Variants in HNRNPU observed in about 807,000 individuals in gnomAD.
HNRNPU encodes heterogeneous nuclear ribonucleoprotein U.
In HNRNPU, 5 loss-of-function variants were observed where a neutral mutation model predicts 94.7. The ratio of observed to expected loss-of-function variants is 0.05; its 90% CI spans 0.03 to 0.11. The LOEUF (loss-of-function observed/expected upper bound fraction) is 0.11, where lower values mean the gene tolerates loss of function less well. HNRNPU is among the 10% of genes least tolerant of loss of function. The pLI, the probability that HNRNPU is intolerant of heterozygous loss-of-function variation, is 1.00. For missense variants in HNRNPU, 710 were observed against 1,049.2 expected (o/e 0.68, Z 4.47); for synonymous variants, 434 against 381.6 (o/e 1.14, Z -1.60).
At position 244,863,742 on chromosome 1, in the gene HNRNPU, C is replaced by T; in HGVS notation, c.566G>A (p.Gly189Asp). 6.3e-7 allele frequency: 1 copy of T among 1,577,490 alleles called. No individual in the cohort carries two copies. Among genetic ancestry groups the T allele is most frequent in the African/African-American group, 1.4e-5 (1 of 73,460 alleles). ...CGTCACCGCGAACAGCGAGGTGGGGCCGCTGCTCTTCCCCGCGGCCTCCTT... is the reference window on the plus strand; with the variant it reads ...CGTCACCGCGAACAGCGAGGTGGGGTCGCTGCTCTTCCCCGCGGCCTCCTT... ...AAKEAAGKSSGPTSLFAVTVA... is the reference protein window; with the variant it reads ...AAKEAAGKSSDPTSLFAVTVA... Residue 189 changes from glycine to aspartate, a missense_variant, in exon 1 of 14, where the codon GGC becomes GAC. Coordinates refer to ENST00000640218, the MANE Select transcript of HNRNPU (RefSeq NM_031844.3).
In HNRNPU at chr1:244,858,738, T is replaced by C. The variant is rs1321164224; in HGVS notation, c.1221A>G (p.Thr407=). The C allele has an allele frequency of 3.2e-6, 5 of 1,551,400 alleles. No homozygotes were observed. The highest frequency in any genetic ancestry group is 3.6e-6 in the Non-Finnish European group (4 of 1,124,058). ...GTTAGCTTTAACTTACAGCAAAACA[T>C]GTAATCACATCATTTTCATCAAACT... The part of the protein sequence containing the change: ...GEKFDENDVI[T]CFANFESDEV... The change falls in exon 6 of 14, where the codon ACA becomes ACG. Residue 407 remains threonine (T), a synonymous_variant. Coordinates refer to ENST00000640218, the MANE Select transcript of HNRNPU (RefSeq NM_031844.3).
At position 244,853,829 on chromosome 1, in the gene HNRNPU, T is replaced by C. The variant is rs866790769; in HGVS notation, c.*621A>G. On this transcript the variant is annotated 3_prime_UTR_variant, in exon 14 of 14. Transcript: ENST00000640218. ...GCCCTTCTACATACACTCCATCTTC[T>C]CTATCTTAGTTCCAAGTTTTAGTTT... 3.9e-5 allele frequency: 6 copies of C among 152,896 alleles called. No homozygotes were observed. The South Asian group carries it at 6.2e-4, about 16-fold the overall frequency. The allele number at this position is 152,896 out of a possible 1,614,324, so 9.5% of individuals were successfully genotyped here.
chr1:244,855,454 A>C lies in HNRNPU; in HGVS notation c.2322T>G (p.Gly774=). 1 of 1,613,632 alleles carries C rather than the reference A, an allele frequency of 6.2e-7. No individual in the cohort carries two copies. The highest frequency in any genetic ancestry group is 8.5e-7 in the Non-Finnish European group (1 of 1,179,886). The change falls in exon 12 of 14, where the codon GGT becomes GGG. Residue 774 remains glycine, a synonymous_variant. Transcript: ENST00000640218. Reference sequence around the variant, plus strand: ...TGTAGTTCCCTCTGTTGGGCATTCCACCTCTGTTGTAGTTCCCTCTGTTTG... The same window carrying C: ...TGTAGTTCCCTCTGTTGGGCATTCCCCCTCTGTTGTAGTTCCCTCTGTTTG... ...SYSNRGNYNR[G]GMPNRGNYNQ... is the part of the protein sequence containing the mutation.
At chr1:244,860,585 A>G in intron 3 of HNRNPU, 111 bp from the exon 4 acceptor site, 4 of 739,308 alleles carry the variant, frequency 5.4e-6, no homozygotes, top group Non-Finnish European at 6.6e-6. Flanking sequence ...ATGCTGCACA[A>G]CTTTTCTCCA....
At position 244,850,938 on chromosome 1, in the gene HNRNPU, T is replaced by C. The variant is rs908131410; in HGVS notation, c.*3512A>G. Reference sequence around the variant, plus strand: ...TCTCAAATGGGTATTCTGAAGCAGGTTGAGAAGTAGATAAAATTCTCTGCT... The same window carrying C: ...TCTCAAATGGGTATTCTGAAGCAGGCTGAGAAGTAGATAAAATTCTCTGCT... On this transcript the variant is annotated 3_prime_UTR_variant, in exon 14 of 14. Coordinates refer to ENST00000640218, the MANE Select transcript of HNRNPU (RefSeq NM_031844.3). 10 of 152,108 alleles carry C rather than the reference T, an allele frequency of 6.6e-5. No homozygotes were observed. Among genetic ancestry groups the C allele is most frequent in the African/African-American group, 9.7e-5 (4 of 41,408 alleles). 9.4% of individuals were successfully genotyped at this position (152,108 alleles called of 1,614,324 possible).
At position 244,864,071 on chromosome 1, in the gene HNRNPU, C is replaced by T. The variant is rs1316732057; in HGVS notation, c.237G>A (p.Ala79=). 1 of 1,602,516 alleles carries T rather than the reference C, an allele frequency of 6.2e-7. No individual in the cohort carries two copies. Among genetic ancestry groups the T allele is most frequent in the Admixed American group, 1.7e-5 (1 of 58,384 alleles). Residue 79 remains alanine (A), a synonymous_variant, in exon 1 of 14, where the codon GCG becomes GCA. Transcript: ENST00000640218. ...CCTCCTCCTCTTCATCGCCGCCGGC[C>T]GCGGCCTCCTGCTCGAGGCCTGCTC... ...RSGAGLEQEA[A]AGGDEEEEEE...
Position 244,864,514 on chromosome 1 carries a change from G to A in HNRNPU, c.-207C>T, listed in dbSNP as rs1558191140. 6 of 815,502 alleles carry A rather than the reference G, an allele frequency of 7.4e-6. No individual in the cohort carries two copies. The East Asian group carries it at 1.6e-4, about 21-fold the overall frequency. The allele number at this position is 815,502 out of a possible 1,614,324, so 50.5% of individuals were successfully genotyped here. A position where few individuals can be genotyped will look rare whatever the true frequency, so the allele number is the denominator to read the frequency against. ...GTTCGCGAGGGAGACGCGGAGACTC[G>A]CCTGGCGCGAGCGAGCACGCAACGT... On this transcript the variant is annotated 5_prime_UTR_variant, in exon 1 of 14. Transcript: ENST00000640218.
At position 244,858,836 on chromosome 1, in the gene HNRNPU, C is replaced by G; in HGVS notation, c.1123G>C (p.Glu375Gln). The G allele has an allele frequency of 7.1e-7, 1 of 1,403,066 alleles. No individual in the cohort carries two copies. The highest frequency in any genetic ancestry group is 1.0e-6 in the Non-Finnish European group (1 of 991,528). The allele number at this position is 1,403,066 out of a possible 1,614,324, so 86.9% of individuals were successfully genotyped here. ...LTTSGMLLGE[E>Q]EFSYGYSLKG... ...AGAGAATACCCATAAGAAAATTCTT[C>G]TTCACCTAAGAAAATAATTAATCTT... Residue 375 changes from glutamate (E) to glutamine (Q), a missense_variant, in exon 6 of 14, where the codon GAA (glutamate) becomes CAA (glutamine). Physicochemically the swap from Glu to Gln is conservative, Grantham distance 29. Around this residue, in one of 8 missense-constraint regions of HNRNPU, gnomAD observed 150 missense variants for 187.9 expected, o/e 0.80. Transcript: ENST00000640218.
rs1181572271 is a variant in HNRNPU, at chr1:244,854,199, T to TA, written c.*250dup. The TA allele has an allele frequency of 2.6e-6, 1 of 390,166 alleles. No individual in the cohort carries two copies. The highest frequency in any genetic ancestry group is 2.1e-5 in the African/African-American group (1 of 46,782). 24.2% of individuals were successfully genotyped at this position (390,166 alleles called of 1,614,324 possible). On this transcript the variant is annotated 3_prime_UTR_variant, in exon 14 of 14. Coordinates refer to ENST00000640218, the MANE Select transcript of HNRNPU (RefSeq NM_031844.3). Reference sequence around the variant, plus strand: ...AAAGTCACATTTTACAGATAAAATGTAGAACCCTGAAATACTGACACATTC... The same window carrying TA: ...AAAGTCACATTTTACAGATAAAATGTAAGAACCCTGAAATACTGACACATTC...
rs749262345 is a variant in HNRNPU, at chr1:244,863,993, C to T, written c.315G>A (p.Glu105=). 2 of 1,613,750 alleles carry T rather than the reference C, an allele frequency of 1.2e-6. No homozygotes were observed. Among genetic ancestry groups the T allele is most frequent in the East Asian group, 2.2e-5 (1 of 44,852 alleles). ...CCGCGGCCCCGTTCTCCTCTCCTAGCTCCATCTGGTCGCCGTCCAGAGCGG... is the reference window on the plus strand; with the variant it reads ...CCGCGGCCCCGTTCTCCTCTCCTAGTTCCATCTGGTCGCCGTCCAGAGCGG... ...GISALDGDQM[E]LGEENGAAGA... The change falls in exon 1 of 14, where the codon GAG becomes GAA. Residue 105 remains glutamate, a synonymous_variant. Coordinates refer to ENST00000640218, the MANE Select transcript of HNRNPU (RefSeq NM_031844.3).
At chr1:244,857,431 G>T in intron 8 of HNRNPU, 167 bp downstream of exon 8, 2 of 636,004 alleles carry the variant, frequency 3.1e-6, no homozygotes, top group Non-Finnish European at 5.3e-6. Flanking sequence ...ATTTTTAGTA[G>T]GAACGGGGCT....
chr1:244,863,440 G>A lies in HNRNPU; in HGVS notation c.691+177C>T, dbSNP rs1363929882. Among the ~76,000 whole-genome samples the A allele has an allele frequency of 6.9e-5, 10 of 145,914 alleles. No homozygotes were observed. Among genetic ancestry groups the A allele is most frequent in the African/African-American group, 2.3e-4 (9 of 39,224 alleles). On this transcript the variant is annotated intron_variant, in intron 1 of 13. Coordinates refer to ENST00000640218, the MANE Select transcript of HNRNPU (RefSeq NM_031844.3). ...CACACACGCGCGCGCGCACACACAC[G>A]CCCCGAGCCCGAGGCCTCTCGGCTA...
intron 4 of HNRNPU, chr1:244,859,901 A>G (rs1343663590): frequency 6.3e-6 from 1 of 159,962 alleles, no homozygotes; most frequent in African/African-American, 2.4e-5. Context: ...AGTATGAAGC[A>G]CCTGTAATTC....
In HNRNPU at chr1:244,856,566, T is replaced by A. The variant is rs1573330232; in HGVS notation, c.1803A>T (p.Arg601=). 1 of 1,614,168 alleles carries A rather than the reference T, an allele frequency of 6.2e-7. No homozygotes were observed. Among genetic ancestry groups the A allele is most frequent in the South Asian group, 1.1e-5 (1 of 91,088 alleles). The change falls in exon 10 of 14, where the codon CGA becomes CGT. Residue 601 remains arginine, a synonymous_variant. Coordinates refer to ENST00000640218, the MANE Select transcript of HNRNPU (RefSeq NM_031844.3). ...RKMCLFAGFQ[R]KAVVVCPKDE... ...CTTTTGGGCAAACTACAACAGCTTTTCGCTGGAAGCCTGCAAACAGGCACA... is the reference window on the plus strand; with the variant it reads ...CTTTTGGGCAAACTACAACAGCTTTACGCTGGAAGCCTGCAAACAGGCACA...
chr1:244,857,525 G>A lies in HNRNPU; in HGVS notation c.1614+73C>T, dbSNP rs560233554. The A allele has an allele frequency of 8.0e-5, 118 of 1,467,082 alleles. 1 individual carries two copies. The South Asian group carries it at 1.3e-3, about 16-fold the overall frequency. 90.9% of individuals were successfully genotyped at this position (1,467,082 alleles called of 1,614,324 possible). A position where few individuals can be genotyped will look rare whatever the true frequency, so the allele number is the denominator to read the frequency against. ...GCCTCTCAAAATGCTGAGATTACAG[G>A]CGTGAACCACCATGCCCAGCCTCTC... On this transcript the variant is annotated intron_variant, in intron 8 of 13. Coordinates refer to ENST00000640218, the MANE Select transcript of HNRNPU (RefSeq NM_031844.3).
intron 13 of HNRNPU, 141 bp downstream of exon 13, chr1:244,854,829 GCTA>G (rs1680636731): frequency 1.6e-6 from 1 of 636,306 alleles, no homozygotes; most frequent in Admixed American, 3.0e-5. Flanking sequence ...GTAGATTATG[GCTA>G]CTACTGCAAG....
chr1:244,863,708 C>A lies in HNRNPU; in HGVS notation c.600G>T (p.Pro200=). The change falls in exon 1 of 14, where the codon CCG becomes CCT. Residue 200 remains proline, a synonymous_variant. Coordinates refer to ENST00000640218, the MANE Select transcript of HNRNPU (RefSeq NM_031844.3). ...PTSLFAVTVA[P]PGARQGQQQA... ...GCTGCTGGCCCTGCCTCGCCCCGGGCGGCGCCACCGTCACCGCGAACAGCG... is the reference window on the plus strand; with the variant it reads ...GCTGCTGGCCCTGCCTCGCCCCGGGAGGCGCCACCGTCACCGCGAACAGCG... 6.4e-7 allele frequency: 1 copy of A among 1,563,792 alleles called. No individual in the cohort carries two copies. The highest frequency in any genetic ancestry group is 8.6e-7 in the Non-Finnish European group (1 of 1,162,866).
chr1:244,856,388 C>A, intron 10 of HNRNPU, 69 bp downstream of exon 10: 1 of 1,466,368 alleles, frequency 6.8e-7, no homozygotes, highest in South Asian at 1.3e-5. Flanking sequence ...GTTACACAAG[C>A]AGAATATGTA....
Position 244,860,337 on chromosome 1 carries a change from T to G in HNRNPU, c.1015A>C (p.Lys339Gln). Residue 339 changes from lysine (K) to glutamine (Q), a missense_variant and splice_region_variant, in exon 4 of 14, where the codon AAG (lysine) becomes CAG (glutamine). Transcript: ENST00000640218. ...ACAAATCATAAAATTGCATTTACCT[T>G]CATCTCAAAACACACTTTGCCTTTT... ...VSKGKVCFEM[K>Q]VTEKIPVRHL... 1 of 1,608,520 alleles carries G rather than the reference T, an allele frequency of 6.2e-7. No homozygotes were observed. Among genetic ancestry groups the G allele is most frequent in the Non-Finnish European group, 8.5e-7 (1 of 1,178,180 alleles).
Sources: allele counts gnomAD v4.1 joint callset (sites outside exome capture counted in the v4.1 genomes callset), GRCh38; gene constraint gnomAD v4.1.1; regional missense constraint gnomAD v4.1.1; transcripts MANE v1.5; gene names NCBI Gene and HGNC (gene_info 2026-07-23, HGNC 2026-07-21).